The following TRAPPC9 variants were observed in gnomAD, a reference collection of about 807,000 sequenced individuals.
TRAPPC9 encodes trafficking protein particle complex subunit 9.
Under a neutral mutation model 124.0 loss-of-function variants are expected in TRAPPC9, and 83 were observed. The ratio of observed to expected loss-of-function variants is 0.67; its 90% CI spans 0.56 to 0.80. TRAPPC9 has a LOEUF of 0.80. Ranked by LOEUF, TRAPPC9 falls within the 30% of genes least tolerant of loss-of-function variation. The pLI, the probability that TRAPPC9 is intolerant of heterozygous loss-of-function variation, is 0.00. For missense variants in TRAPPC9, 1,302 were observed against 1,508.3 expected (o/e 0.86, Z 2.27); for synonymous variants, 638 against 617.5 (o/e 1.03, Z -0.49).
chr8:140,099,558 C>G (rs2060532428), intron 17 of TRAPPC9: 1 of 151,008 alleles, frequency 6.6e-6, no homozygotes, highest in African/African-American at 2.4e-5. Flanking sequence ...CAGCCGTCCG[C>G]AGGGAAGACA....
chr8:140,233,061 C>A (rs1311462360), intron 16 of TRAPPC9, among the ~76,000 whole-genome samples: 1 of 152,168 alleles, frequency 6.6e-6, no homozygotes, highest in Non-Finnish European at 1.5e-5. Context: ...AAACAGTCAG[C>A]CGAATCAAAG....
intron 21 of TRAPPC9, among the ~76,000 whole-genome samples, chr8:139,823,954 C>T (rs1265511700): frequency 6.6e-6 from 1 of 152,188 alleles, no homozygotes; most frequent in African/African-American, 2.4e-5. Flanking sequence ...GGACTGACTG[C>T]TGAGAATTTG....
chr8:140,261,611 T>C (rs1339022184), intron 15 of TRAPPC9, among the ~76,000 whole-genome samples: 2 of 152,224 alleles, frequency 1.3e-5, no homozygotes, highest in East Asian at 1.9e-4. Context: ...CAGACCTCTA[T>C]AAAATATCTC....
chr8:139,738,629 A>G (rs1379672965), intron 21 of TRAPPC9, among the ~76,000 whole-genome samples: 2 of 152,210 alleles, frequency 1.3e-5, no homozygotes. Context: ...AACACCGATC[A>G]GACTCTGGAC....
chr8:140,337,467 G>T (rs193264040), intron 9 of TRAPPC9, among the ~76,000 whole-genome samples: 1 of 152,180 alleles, frequency 6.6e-6, no homozygotes, highest in Non-Finnish European at 1.5e-5. Flanking sequence ...AATTAATCAA[G>T]CTTGAGCAGG....
At chr8:140,256,503 A>G (rs1334856741) in intron 15 of TRAPPC9, among the ~76,000 whole-genome samples, 6 of 151,900 alleles carry the variant, frequency 3.9e-5, no homozygotes, top group African/African-American at 1.5e-4. Flanking sequence ...TTCTCTGCCT[A>G]CTCGATGTGA....
rs546588658 is a variant in TRAPPC9 at position 140,033,493 on chromosome 8, G to T, written c.2557-9414C>A. ...TTTGTAGTCTTGGGATAGGAAAAGAGATCTCGGAGAAGCCACAAAAAGCAC... is the reference window on the plus strand; with the variant it reads ...TTTGTAGTCTTGGGATAGGAAAAGATATCTCGGAGAAGCCACAAAAAGCAC... On this transcript the variant is annotated intron_variant, in intron 17 of 22. Coordinates refer to ENST00000438773, the MANE Select transcript of TRAPPC9 (RefSeq NM_001160372.4). Among the ~76,000 whole-genome samples, 37 of 151,306 alleles carry T rather than the reference G, an allele frequency of 2.4e-4. 1 individual carries two copies. The South Asian group carries it at 7.3e-3, about 30-fold the overall frequency.
At chr8:140,183,947 GA>G (rs1489992297) in intron 17 of TRAPPC9, among the ~76,000 whole-genome samples, 1 of 50,964 alleles carries the variant, frequency 2.0e-5, no homozygotes, top group African/African-American at 5.8e-5. Context: ...GAGAGGAGAG[GA>G]GAGGGGAGGG....
At chr8:140,029,230 C>T (rs527690426) in intron 17 of TRAPPC9, among the ~76,000 whole-genome samples, 1 of 152,352 alleles carries the variant, frequency 6.6e-6, no homozygotes, top group African/African-American at 2.4e-5. Flanking sequence ...GATGGCCAGG[C>T]ATTGCGGCTC....
chr8:139,928,289 C>T (rs1344549363), intron 19 of TRAPPC9, among the ~76,000 whole-genome samples: 3 of 152,072 alleles, frequency 2.0e-5, no homozygotes, highest in Non-Finnish European at 2.9e-5. Context: ...GTCAGGAGTT[C>T]GAGACTAGCC....
chr8:139,924,483 C>T (rs76147436), intron 19 of TRAPPC9, among the ~76,000 whole-genome samples: 3,859 of 152,294 alleles, frequency 0.025, 172 homozygotes, highest in African/African-American at 0.088. Context: ...TGCCTGCATA[C>T]GTGTACCACG....
intron 21 of TRAPPC9, among the ~76,000 whole-genome samples, chr8:139,798,524 T>C (rs1488283335): frequency 6.6e-6 from 1 of 152,210 alleles, no homozygotes; most frequent in African/African-American, 2.4e-5. Context: ...CTCCAGAGAC[T>C]GCTTGCTTGT....
At position 140,252,273 on chromosome 8, in the gene TRAPPC9, G is replaced by A. The variant is rs571375223; in HGVS notation, c.2431+504C>T. ...AGTCCTGGCCTCAGGTGATCCGCCC[G>A]CCCTGGCCTCCCAGAGTGCTGAGAT... On this transcript the variant is annotated intron_variant, in intron 16 of 22. Coordinates refer to ENST00000438773, the MANE Select transcript of TRAPPC9 (RefSeq NM_001160372.4). This position sits in a 1 kb window ranked among gnomAD's most constrained non-coding sequence, Gnocchi z 4.2. 7.5e-4 allele frequency among the ~76,000 whole-genome samples: 114 copies of A among 152,232 alleles called. No individual in the cohort carries two copies. Among genetic ancestry groups the A allele is most frequent in the South Asian group, 5.6e-3 (27 of 4,822 alleles).
chr8:140,306,627 G>C (rs377696469), intron 10 of TRAPPC9, among the ~76,000 whole-genome samples: 9 of 152,264 alleles, frequency 5.9e-5, no homozygotes, highest in Admixed American at 3.9e-4. Context: ...ATTAAAGCGT[G>C]CACATTTTTA....
chr8:139,905,255 G>A (rs530514742), intron 20 of TRAPPC9, among the ~76,000 whole-genome samples: 1 of 152,058 alleles, frequency 6.6e-6, no homozygotes, highest in South Asian at 2.1e-4. Context: ...GGGGCTGGGG[G>A]GAAGGATTCT....
At chr8:140,170,044 G>A (rs1052563105) in intron 17 of TRAPPC9, among the ~76,000 whole-genome samples, 1 of 152,156 alleles carries the variant, frequency 6.6e-6, no homozygotes, top group Non-Finnish European at 1.5e-5. Flanking sequence ...TGCTATATAT[G>A]AGTCTTTTAC....
chr8:140,169,352 C>T (rs1199126886), intron 17 of TRAPPC9, among the ~76,000 whole-genome samples: 1 of 152,082 alleles, frequency 6.6e-6, no homozygotes, highest in Non-Finnish European at 1.5e-5. Flanking sequence ...ATGGAAAATG[C>T]TTCAGCTGCT....
chr8:140,236,181 C>G (rs2063727312), intron 16 of TRAPPC9, among the ~76,000 whole-genome samples: 2 of 150,216 alleles, frequency 1.3e-5, no homozygotes, highest in South Asian at 4.2e-4. Context: ...CTCCCAGGCT[C>G]AAGCGATTCT....
rs566367828 is a variant in TRAPPC9, at chr8:139,753,939, T to C, written c.3056-21737A>G. 7.9e-5 allele frequency among the ~76,000 whole-genome samples: 12 copies of C among 152,342 alleles called. No individual in the cohort carries two copies. The South Asian group carries it at 2.5e-3, about 32-fold the overall frequency. ...GCTGAAGCACCCCCATCATGGTTGT[T>C]TGTGCATCCCAATCCTGCTCCTTGG... On this transcript the variant is annotated intron_variant, in intron 21 of 22. Transcript: ENST00000438773.
Sources: gnomAD v4.1 joint callset for allele counts (sites outside exome capture counted in the v4.1 genomes callset) on GRCh38, gnomAD v4.1.1 for gene constraint, Gnocchi (gnomAD v3.1) non-coding constraint, MANE v1.5 for transcripts, NCBI Gene and HGNC (gene_info 2026-07-23, HGNC 2026-07-21) for gene names.